NLRP1: variants seen among roughly 807,000 people sequenced by gnomAD.
NLRP1 encodes NACHT, LRR and PYD domains-containing protein 1.
NLRP1 carries 94 observed loss-of-function variants against 136.7 expected under a neutral mutation model. The ratio of observed to expected loss-of-function variants is 0.69; its 90% CI spans 0.58 to 0.82. NLRP1 has a LOEUF of 0.82. Ranked by LOEUF, NLRP1 falls within the 40% of genes least tolerant of loss-of-function variation. The pLI is 0.00. For synonymous variants in NLRP1, 690 were observed against 725.1 expected, an observed-to-expected ratio of 0.95 and a Z score of 0.78; for missense variants, 1,575 against 1,802.7, an observed-to-expected ratio of 0.87 and a Z score of 2.29.
At chr17:5,568,772 A>T (rs1321228158) in intron 3 of NLRP1, among the ~76,000 whole-genome samples, 1 of 152,222 alleles carries the variant, frequency 6.6e-6, no homozygotes, top group Non-Finnish European at 1.5e-5. Flanking sequence ...CCCTAAGCCC[A>T]GTAATGCTGT....
At chr17:5,516,727 G>A (rs1345981965) in intron 15 of NLRP1, among the ~76,000 whole-genome samples, 1 of 152,218 alleles carries the variant, frequency 6.6e-6, no homozygotes, top group African/African-American at 2.4e-5. Context: ...GCAAGTAAGT[G>A]CCAGAGTGGG....
chr17:5,557,348 G>GTGAAAAAGTTTTT (rs1416353440), intron 4 of NLRP1, among the ~76,000 whole-genome samples: 1 of 151,450 alleles, frequency 6.6e-6, no homozygotes, highest in Admixed American at 6.6e-5. Flanking sequence ...GAATTTTATT[G>GTGAAAAAGTTTTT]TGAGAAAAAG....
At position 5,559,802 on chromosome 17, in the gene NLRP1, T is replaced by G. The variant is rs747688853; in HGVS notation, c.894A>C (p.Arg298Ser). The change falls in exon 4 of 17, where the codon AGA (arginine) becomes AGC (serine). Residue 298 changes from arginine to serine, a missense_variant. Physicochemically the swap from Arg to Ser is moderately radical, Grantham distance 110. Coordinates refer to ENST00000572272, the MANE Select transcript of NLRP1 (RefSeq NM_033004.4). ...HPRSQDPLVK[R>S]SWPDYVEENR... is the part of the protein sequence containing the mutation. ...TCTCCTCCACATAATCAGGCCAGCT[T>G]CTCTTGACCAGGGGATCTTGGCTTC... 24 of 1,614,242 alleles carry G rather than the reference T, an allele frequency of 1.5e-5. No individual in the cohort carries two copies. In the South Asian group the frequency reaches 2.6e-4, roughly 18 times the overall value.
chr17:5,515,171 T>G, intron 16 of NLRP1, 98 bp from the exon 17 acceptor site: 1 of 1,166,648 alleles, frequency 8.6e-7, no homozygotes, highest in Non-Finnish European at 1.2e-6. Context: ...CGCTTCCTTC[T>G]GCCTCCAGAA....
At chr17:5,582,603 T>C in intron 2 of NLRP1, 67 bp downstream of exon 2, 1 of 1,492,110 alleles carries the variant, frequency 6.7e-7, no homozygotes, top group Non-Finnish European at 9.2e-7. Context: ...CATGATCCTC[T>C]GGGTGGGGCC....
chr17:5,551,897 G>T (rs1357720488), intron 5 of NLRP1, among the ~76,000 whole-genome samples: 1 of 152,052 alleles, frequency 6.6e-6, no homozygotes, highest in African/African-American at 2.4e-5. Context: ...AGCCTCCTAA[G>T]TAGTTATGAC....
chr17:5,506,065 G>A (rs9889766), intron 15 of NLRP1: 44,285 of 151,778 alleles, frequency 0.29, 6,885 homozygotes, highest in African/African-American at 0.41. Context: ...AGGGTGGATC[G>A]CCTGAGGTCA....
Position 5,584,068 on chromosome 17 carries a change from A to T in NLRP1, c.-111T>A. On this transcript the variant is annotated 5_prime_UTR_variant, in exon 1 of 17. Coordinates refer to ENST00000572272, the MANE Select transcript of NLRP1 (RefSeq NM_033004.4). Reference sequence around the variant, plus strand: ...CCTTGGCTCTTACCGTCTCTTATTCAGCATTCGGAACCCAGTTTTATAAAT... The same window carrying T: ...CCTTGGCTCTTACCGTCTCTTATTCTGCATTCGGAACCCAGTTTTATAAAT... 1 of 1,063,802 alleles carries T rather than the reference A, an allele frequency of 9.4e-7. No individual in the cohort carries two copies. Among genetic ancestry groups the T allele is most frequent in the Non-Finnish European group, 1.3e-6 (1 of 752,674 alleles). 65.9% of individuals were successfully genotyped at this position (1,063,802 alleles called of 1,614,324 possible).
chr17:5,552,449 T>C (rs1488374803), intron 5 of NLRP1, among the ~76,000 whole-genome samples: 1 of 152,174 alleles, frequency 6.6e-6, no homozygotes, highest in Non-Finnish European at 1.5e-5. Flanking sequence ...GAAACCTATT[T>C]GGCAGGTCCA....
chr17:5,517,359 C>G lies in NLRP1; in HGVS notation c.4057+387G>C, dbSNP rs12150585. On this transcript the variant is annotated intron_variant, in intron 15 of 16. Coordinates refer to ENST00000572272, the MANE Select transcript of NLRP1 (RefSeq NM_033004.4). Reference sequence around the variant, plus strand: ...TGATAGTGCACTCTGCACCCCCCCCCCTCCCACATACACAGACTTTCTTCC... The same window carrying G: ...TGATAGTGCACTCTGCACCCCCCCCGCTCCCACATACACAGACTTTCTTCC... Among the ~76,000 whole-genome samples, 51 of 107,866 alleles carry G rather than the reference C, an allele frequency of 4.7e-4. 12 individuals are homozygous for G. The highest frequency in any genetic ancestry group is 1.1e-3 in the African/African-American group (32 of 28,796). 70.8% of individuals were successfully genotyped at this position (107,866 alleles called of 152,430 possible).
intron 3 of NLRP1, among the ~76,000 whole-genome samples, chr17:5,577,868 G>A (rs1418615935): frequency 6.6e-6 from 1 of 152,154 alleles, no homozygotes; most frequent in Non-Finnish European, 1.5e-5. Context: ...TATACTACAA[G>A]GCTACAGTAA....
chr17:5,581,832 C>T (rs374550442), intron 3 of NLRP1, 27 bp downstream of exon 3: 1 of 1,592,814 alleles, frequency 6.3e-7, no homozygotes, highest in Non-Finnish European at 8.6e-7. Flanking sequence ...ACCTCACCAC[C>T]CCGCCAGGAG....
At position 5,583,872 on chromosome 17, in the gene NLRP1, G is replaced by A. The variant is rs1451762722; in HGVS notation, c.86C>T (p.Ala29Val). The stretch of plus-strand genomic sequence containing the variant: ...AGAGCTCCTGGAGTGCGCTTTATTG[G>A]CGAGCAGAAGCTGGAACTCCTTCAG... Reference protein sequence around the residue: ...EELKEFQLLLANKAHSRSSSG... With the variant: ...EELKEFQLLLVNKAHSRSSSG... Residue 29 changes from alanine (A) to valine (V), a missense_variant, in exon 1 of 17, where the codon GCC (alanine) becomes GTC (valine). Physicochemically the swap from Ala to Val is moderately conservative, Grantham distance 64. Coordinates refer to ENST00000572272, the MANE Select transcript of NLRP1 (RefSeq NM_033004.4). This position sits in a 1 kb window ranked among gnomAD's most constrained non-coding sequence, Gnocchi z 4.5. The A allele has an allele frequency of 2.5e-6, 4 of 1,587,632 alleles. No individual in the cohort carries two copies. The African/African-American group carries it at 4.0e-5, about 16-fold the overall frequency.
chr17:5,533,137 C>T (rs1045035683), intron 10 of NLRP1, among the ~76,000 whole-genome samples, 153 bp from the exon 11 acceptor site: 2 of 152,224 alleles, frequency 1.3e-5, no homozygotes, highest in Admixed American at 6.5e-5. Flanking sequence ...CCATGGCTGC[C>T]TGCCTGCTGT....
chr17:5,529,740 C>T (rs1910005163), intron 12 of NLRP1, among the ~76,000 whole-genome samples: 1 of 149,896 alleles, frequency 6.7e-6, no homozygotes. Flanking sequence ...TTGCTTTTTG[C>T]TGATAGTTTT....
At position 5,532,914 on chromosome 17, in the gene NLRP1, C is replaced by A; in HGVS notation, c.3204G>T (p.Leu1068=). 6.2e-7 allele frequency: 1 copy of A among 1,614,042 alleles called. No homozygotes were observed. The highest frequency in any genetic ancestry group is 8.5e-7 in the Non-Finnish European group (1 of 1,179,906). ...CVPSPASQGD[L]HTKPLGTDDD... ...CGTCAGTCCCCAAAGGCTTCGTATG[C>A]AGGTCCCCTTGAGAGGCAGGAGAAG... Residue 1068 remains leucine, a synonymous_variant, in exon 11 of 17, where the codon CTG becomes CTT. Coordinates refer to ENST00000572272, the MANE Select transcript of NLRP1 (RefSeq NM_033004.4).
Position 5,558,225 on chromosome 17 carries a change from C to T in NLRP1, c.2357+114G>A, listed in dbSNP as rs1914312203. 7.8e-6 allele frequency: 9 copies of T among 1,150,222 alleles called. No individual in the cohort carries two copies. The South Asian group carries it at 1.4e-4, about 18-fold the overall frequency. The allele number at this position is 1,150,222 out of a possible 1,614,324, so 71.3% of individuals were successfully genotyped here. ...GTTAGAAGTCACTGGAGACCCTGAT[C>T]CTTTAGCCACCCCCACCCCCGGCCA... On this transcript the variant is annotated intron_variant, in intron 4 of 16. Coordinates refer to ENST00000572272, the MANE Select transcript of NLRP1 (RefSeq NM_033004.4).
rs2151802108 is a variant in NLRP1, at chr17:5,558,804, G to A, written c.1892C>T (p.Ala631Val). Residue 631 changes from alanine to valine, a missense_variant, in exon 4 of 17, where the codon GCA (alanine) becomes GTA (valine). Ala to Val is a moderately conservative substitution (Grantham distance 64). Transcript: ENST00000572272. ...ATCCTCCAAGACATAGGACATTGCT[G>A]CAAAGAACTCTTGGAAACAGAGGTG... is the stretch of plus-strand genomic sequence containing the variant. ...FIHLCFQEFF[A>V]AMSYVLEDEK... The A allele has an allele frequency of 1.9e-6, 3 of 1,614,162 alleles. No individual in the cohort carries two copies. The highest frequency in any genetic ancestry group is 1.7e-5 in the Admixed American group (1 of 60,020).
In NLRP1 at chr17:5,559,928, C is replaced by T. The variant is rs747741700; in HGVS notation, c.768G>A (p.Glu256=). ...AACAGAGGCTCTCTCTCACAGAAGG[C>T]TCCCATGGGTGGTGGTGGGGCTGTA... The part of the protein sequence containing the change: ...TSLQPHHHPW[E]PSVRESLCST... Residue 256 remains glutamate (E), a synonymous_variant, in exon 4 of 17, where the codon GAG becomes GAA. Coordinates refer to ENST00000572272, the MANE Select transcript of NLRP1 (RefSeq NM_033004.4). 3 of 1,614,224 alleles carry T rather than the reference C, an allele frequency of 1.9e-6. No individual in the cohort carries two copies.
Sources: allele counts gnomAD v4.1 joint callset (sites outside exome capture counted in the v4.1 genomes callset), GRCh38; gene constraint gnomAD v4.1.1; non-coding constraint Gnocchi (gnomAD v3.1); transcripts MANE v1.5; gene names NCBI Gene and HGNC (gene_info 2026-07-23, HGNC 2026-07-21).